Variants in CLVS1 observed in about 807,000 individuals in gnomAD.
CLVS1 encodes clavesin-1.
CLVS1 carries 10 observed loss-of-function variants against 33.1 expected under a neutral mutation model. That is an observed-to-expected ratio of 0.30 (90% CI 0.19 to 0.51). The LOEUF is 0.51. CLVS1 is among the 20% of genes least tolerant of loss of function. The pLI is 0.97. For synonymous variants in CLVS1, 163 were observed against 166.1 expected, an observed-to-expected ratio of 0.98 and a Z score of 0.14; for missense variants, 343 against 433.4, an observed-to-expected ratio of 0.79 and a Z score of 1.85.
intron 1 of CLVS1, among the ~76,000 whole-genome samples, chr8:61,076,692 T>A (rs910840913): frequency 6.6e-6 from 1 of 152,226 alleles, no homozygotes; most frequent in Non-Finnish European, 1.5e-5. Flanking sequence ...TGTGGTAAGA[T>A]CACCAGGATG....
chr8:61,396,692 T>C (rs1814541260), intron 3 of CLVS1, among the ~76,000 whole-genome samples: 1 of 152,182 alleles, frequency 6.6e-6, no homozygotes, highest in Admixed American at 6.5e-5. Context: ...CTCCGTTTAT[T>C]ACTCTCTGCT....
intron 2 of CLVS1, among the ~76,000 whole-genome samples, chr8:61,344,428 G>C (rs1051230263): frequency 2.0e-5 from 3 of 152,178 alleles, no homozygotes; most frequent in African/African-American, 7.2e-5. Flanking sequence ...ACTGTCGAGA[G>C]AGAACAATGC....
At chr8:61,232,669 G>A (rs777489578) in intron 2 of CLVS1, among the ~76,000 whole-genome samples, 2 of 152,088 alleles carry the variant, frequency 1.3e-5, no homozygotes, top group African/African-American at 2.4e-5. Context: ...CATAAATCTA[G>A]AAACTTACTG....
intron 5 of CLVS1, chr8:61,465,821 C>T (rs1334429543): frequency 6.6e-6 from 1 of 152,098 alleles, no homozygotes; most frequent in African/African-American, 2.4e-5. Flanking sequence ...ACCACCACGC[C>T]CAGCTAATTT....
At chr8:61,267,000 C>G (rs890318536) in intron 2 of CLVS1, among the ~76,000 whole-genome samples, 1 of 152,230 alleles carries the variant, frequency 6.6e-6, no homozygotes, top group African/African-American at 2.4e-5. Flanking sequence ...GAACTGGCTG[C>G]AGGATGCAGA....
At chr8:61,098,214 G>A (rs1357653742) in intron 1 of CLVS1, among the ~76,000 whole-genome samples, 1 of 152,014 alleles carries the variant, frequency 6.6e-6, no homozygotes, top group African/African-American at 2.4e-5. Flanking sequence ...CAGAGAAACA[G>A]CTCATATTGT....
chr8:61,211,498 G>A (rs140400129), intron 2 of CLVS1, among the ~76,000 whole-genome samples: 48 of 150,944 alleles, frequency 3.2e-4, no homozygotes, highest in East Asian at 3.9e-4. Flanking sequence ...CTCTTCCTTC[G>A]GAATGAGATA....
In CLVS1 at chr8:61,242,370, G is replaced by T. The variant is rs547942526; in HGVS notation, c.-151-57307G>T. Among the ~76,000 whole-genome samples the T allele has an allele frequency of 1.2e-3, 189 of 151,982 alleles. 1 individual carries two copies. The highest frequency in any genetic ancestry group is 4.3e-3 in the African/African-American group (179 of 41,466). ...TTCTCCTTCATTTTCAGATTGAATT[G>T]TTTCTGTACATTTACCTTCACGTTC... is the stretch of plus-strand genomic sequence containing the variant. On this transcript the variant is annotated intron_variant, in intron 2 of 2. Coordinates refer to the CLVS1 transcript ENST00000522621.
chr8:60,989,276 G>A, the CLVS1 span, among the ~76,000 whole-genome samples: 1 of 152,140 alleles, frequency 6.6e-6, no homozygotes, highest in African/African-American at 2.4e-5. Flanking sequence ...CACCTCCCGG[G>A]TTCAAGCGAT....
At chr8:61,244,172 A>G (rs1192395515) in intron 2 of CLVS1, among the ~76,000 whole-genome samples, 1 of 145,148 alleles carries the variant, frequency 6.9e-6, no homozygotes, top group African/African-American at 2.5e-5. Flanking sequence ...GCAGTGCAGT[A>G]TAGGGCATTG....
At position 61,500,613 on chromosome 8, in the gene CLVS1, ACTC is replaced by A. The variant is rs1156479304; in HGVS notation, c.*1072_*1074del. On this transcript the variant is annotated 3_prime_UTR_variant, in exon 6 of 6. Transcript: ENST00000325897. Reference sequence around the variant, plus strand: ...CTCCTTAGAAATGGAGTCCCCAACTACTCATTCAAAAGAAATCAGACATAAAAT... The same window carrying A: ...CTCCTTAGAAATGGAGTCCCCAACTAATTCAAAAGAAATCAGACATAAAAT... 6.7e-6 allele frequency: 1 copy of A among 148,308 alleles called. No homozygotes were observed. The highest frequency in any genetic ancestry group is 2.6e-5 in the African/African-American group (1 of 38,818). 9.2% of individuals were successfully genotyped at this position (148,308 alleles called of 1,614,324 possible).
At chr8:61,002,253 A>G in the CLVS1 span, among the ~76,000 whole-genome samples, 1 of 150,184 alleles carries the variant, frequency 6.7e-6, no homozygotes, top group East Asian at 2.0e-4. Context: ...AAGTACTGGG[A>G]TTACAGACAA....
At chr8:61,012,701 G>A in the CLVS1 span, among the ~76,000 whole-genome samples, 5 of 152,182 alleles carry the variant, frequency 3.3e-5, no homozygotes, top group Non-Finnish European at 7.3e-5. Context: ...CAGGCTTGGT[G>A]CTGTGCTCCC....
chr8:61,111,791 CCTT>C (rs1399116123), intron 1 of CLVS1, among the ~76,000 whole-genome samples: 30 of 152,004 alleles, frequency 2.0e-4, no homozygotes, highest in Admixed American at 1.7e-3. Flanking sequence ...ATTATATAGT[CCTT>C]CTATCAAAAA....
rs187420494 is a variant in CLVS1 at position 61,305,628 on chromosome 8, T to G, written c.455+5346T>G. Among the ~76,000 whole-genome samples the G allele has an allele frequency of 3.8e-3, 578 of 151,924 alleles. 2 individuals are homozygous for G. The highest frequency in any genetic ancestry group is 4.5e-3 in the Non-Finnish European group (306 of 67,906). On this transcript the variant is annotated intron_variant, in intron 2 of 5. Transcript: ENST00000325897. ...ACGTAGGTAAACTTGTGTCATGGGG[T>G]TTTTTTTGTACAGATTATTTCATCA...
At chr8:61,367,685 T>G (rs1260961317) in intron 2 of CLVS1, among the ~76,000 whole-genome samples, 2 of 152,184 alleles carry the variant, frequency 1.3e-5, no homozygotes, top group African/African-American at 4.8e-5. Flanking sequence ...GGTGCTGTGA[T>G]CCTCCTCCTA....
chr8:61,096,115 A>AT (rs533222066), intron 1 of CLVS1, among the ~76,000 whole-genome samples: 17 of 151,364 alleles, frequency 1.1e-4, no homozygotes, highest in Non-Finnish European at 2.1e-4. Context: ...AATTCCACGT[A>AT]TTTTTTTTTC....
At chr8:61,308,734 G>A (rs964215651) in intron 2 of CLVS1, among the ~76,000 whole-genome samples, 1 of 152,074 alleles carries the variant, frequency 6.6e-6, no homozygotes, top group Admixed American at 6.6e-5. Context: ...CAGTTGTTAG[G>A]TGCTTTTGTG....
chr8:61,158,317 G>C (rs1806688104), intron 2 of CLVS1, among the ~76,000 whole-genome samples: 1 of 152,102 alleles, frequency 6.6e-6, no homozygotes, highest in Non-Finnish European at 1.5e-5. Flanking sequence ...ATTTCTGGAG[G>C]AACAGACTGG....
Sources: allele counts gnomAD v4.1 joint callset (sites outside exome capture counted in the v4.1 genomes callset), GRCh38; gene constraint gnomAD v4.1.1; transcripts MANE v1.5; gene names NCBI Gene and HGNC (gene_info 2026-07-23, HGNC 2026-07-21).